The following BICD2 variants were observed in gnomAD, a reference collection of about 807,000 sequenced individuals.
The protein encoded by BICD2 is BICD cargo adaptor 2.
A neutral mutation model predicts 72.9 loss-of-function variants in BICD2; 25 were observed. That is an observed-to-expected ratio of 0.34 (90% CI 0.25 to 0.48). BICD2 has a LOEUF of 0.48. Ranked by LOEUF, BICD2 falls within the 20% of genes least tolerant of loss-of-function variation. The probability of loss-of-function intolerance (pLI) is 0.99; values close to 1 mark genes in which losing one functional copy is unlikely to be tolerated. For missense variants in BICD2, 894 were observed against 1,175.2 expected, an observed-to-expected ratio of 0.76 and a Z score of 3.50; for synonymous variants, 501 against 516.1, an observed-to-expected ratio of 0.97 and a Z score of 0.40.
At position 92,723,755 on chromosome 9, in the gene BICD2, G is replaced by A. The variant is rs148465016; in HGVS notation, c.454-947C>T. Reference sequence around the variant, plus strand: ...GTTCAGGCTCTAAGTTGCCCATAAGGAGCCAAGAGATGTCATGGGAGAGGC... The same window carrying A: ...GTTCAGGCTCTAAGTTGCCCATAAGAAGCCAAGAGATGTCATGGGAGAGGC... On this transcript the variant is annotated intron_variant, in intron 2 of 6. Coordinates refer to ENST00000356884, the MANE Select transcript of BICD2 (RefSeq NM_001003800.2). Among the ~76,000 whole-genome samples, 257 of 152,316 alleles carry A rather than the reference G, an allele frequency of 1.7e-3. 3 individuals carry two copies. Among genetic ancestry groups the A allele is most frequent in the Middle Eastern group, 3.4e-3 (1 of 294 alleles).
intron 1 of BICD2, among the ~76,000 whole-genome samples, chr9:92,732,728 A>T (rs763116356): frequency 3.9e-4 from 60 of 152,240 alleles, no homozygotes; most frequent in Non-Finnish European, 1.3e-4. Flanking sequence ...TCACAAATAG[A>T]GGTGAAATAC....
intron 1 of BICD2, among the ~76,000 whole-genome samples, chr9:92,731,595 G>T (rs970364633): frequency 3.9e-5 from 6 of 152,126 alleles, no homozygotes; most frequent in Non-Finnish European, 8.8e-5. Context: ...AGTTCCAGGA[G>T]CCCCCTCCAC....
Position 92,714,291 on chromosome 9 carries a change from A to G in BICD2, c.*863T>C, listed in dbSNP as rs866126410. ...CCATGTCTTTGGGACTGAACCCCCT[A>G]TGGAAGGCCGGATAATTGGCTGCTG... On this transcript the variant is annotated 3_prime_UTR_variant, in exon 7 of 7. Transcript: ENST00000356884. The G allele has an allele frequency of 1.4e-5, 14 of 985,494 alleles. No individual in the cohort carries two copies. The highest frequency in any genetic ancestry group is 4.7e-5 in the South Asian group (1 of 21,290). The allele number at this position is 985,494 out of a possible 1,614,324, so 61.0% of individuals were successfully genotyped here. A position where few individuals can be genotyped will look rare whatever the true frequency, so the allele number is the denominator to read the frequency against.
chr9:92,718,182 C>T (rs1176642032), intron 5 of BICD2, among the ~76,000 whole-genome samples: 1 of 152,244 alleles, frequency 6.6e-6, no homozygotes, highest in African/African-American at 2.4e-5. Flanking sequence ...AACCTGCCAA[C>T]AGGACCTCCA....
chr9:92,734,722 G>C (rs757099934), intron 1 of BICD2, among the ~76,000 whole-genome samples: 2 of 152,112 alleles, frequency 1.3e-5, no homozygotes, highest in East Asian at 3.9e-4. Flanking sequence ...CCGTGGGCTT[G>C]TCCTTGCAGC....
chr9:92,763,208 G>A (rs1488016095), intron 1 of BICD2, among the ~76,000 whole-genome samples: 1 of 152,188 alleles, frequency 6.6e-6, no homozygotes, highest in African/African-American at 2.4e-5. Context: ...CATCTGCTTG[G>A]ATTCATTCTC....
At position 92,713,769 on chromosome 9, in the gene BICD2, G is replaced by A. The variant is rs1853242629; in HGVS notation, c.*1385C>T. 6 of 1,289,000 alleles carry A rather than the reference G, an allele frequency of 4.7e-6. No individual in the cohort carries two copies. The South Asian group carries it at 1.0e-4, about 22-fold the overall frequency. 79.8% of individuals were successfully genotyped at this position (1,289,000 alleles called of 1,614,324 possible). ...CTGGGCCCAGGATGAACACGCAGGG[G>A]ACATACATGGGCGTGTCCTGGAGTC... On this transcript the variant is annotated 3_prime_UTR_variant, in exon 7 of 7. Coordinates refer to ENST00000356884, the MANE Select transcript of BICD2 (RefSeq NM_001003800.2).
intron 1 of BICD2, among the ~76,000 whole-genome samples, chr9:92,763,828 C>T (rs142655392): frequency 6.6e-6 from 1 of 152,240 alleles, no homozygotes; most frequent in Non-Finnish European, 1.5e-5. Flanking sequence ...GGAAGTCATG[C>T]TAGCTGGTGG....
Position 92,719,465 on chromosome 9 carries a change from G to C in BICD2, c.1180C>G (p.Leu394Val). ...QEKVTRLTEN[L>V]SALRRLQASK... ...GCCTGCAGGCGCCGCAGGGCACTCA[G>C]ATTCTCTGTGAGGCGGGTCACCTTC... The change falls in exon 5 of 7, where the codon CTG becomes GTG. Residue 394 changes from leucine to valine, a missense_variant. By Grantham distance (32) the Leu-to-Val change is conservative (BLOSUM62 1). This residue lies in a region of BICD2 where 371 missense variants were observed against 439.1 expected (regional missense o/e 0.84). Transcript: ENST00000356884. The C allele has an allele frequency of 6.2e-7, 1 of 1,614,124 alleles. No individual in the cohort carries two copies.
At position 92,719,360 on chromosome 9, in the gene BICD2, T is replaced by G; in HGVS notation, c.1285A>C (p.Ile429Leu). 6.2e-7 allele frequency: 1 copy of G among 1,614,220 alleles called. No individual in the cohort carries two copies. Among genetic ancestry groups the G allele is most frequent in the Non-Finnish European group, 8.5e-7 (1 of 1,180,028 alleles). ...CAGGCCAAGATCTCAGGCCCGTTGA[T>G]GTCCACCTCGTAGTAGTCCCCATCC... ...HEDGDYYEVDINGPEILACKY... is the reference protein window; with the variant it reads ...HEDGDYYEVDLNGPEILACKY... The change falls in exon 5 of 7, where the codon ATC (isoleucine) becomes CTC (leucine). Residue 429 changes from isoleucine to leucine, a missense_variant. Physicochemically the swap from Ile to Leu is conservative, Grantham distance 5. Coordinates refer to ENST00000356884, the MANE Select transcript of BICD2 (RefSeq NM_001003800.2).
intron 3 of BICD2, among the ~76,000 whole-genome samples, chr9:92,722,123 A>G (rs1252333242): frequency 1.3e-5 from 2 of 152,236 alleles, no homozygotes. Context: ...AGCAGAGCAC[A>G]TGACAATTTA....
Position 92,713,868 on chromosome 9 carries a change from C to A in BICD2, c.*1286G>T. 1 of 1,023,696 alleles carries A rather than the reference C, an allele frequency of 9.8e-7. No homozygotes were observed. The highest frequency in any genetic ancestry group is 1.2e-6 in the Non-Finnish European group (1 of 852,562). The allele number at this position is 1,023,696 out of a possible 1,614,324, so 63.4% of individuals were successfully genotyped here. ...CAGAGAGCTGTGGGAGGGGGCAACACGGTCTCTCACCAGGTAACTCGAATG... is the reference window on the plus strand; with the variant it reads ...CAGAGAGCTGTGGGAGGGGGCAACAAGGTCTCTCACCAGGTAACTCGAATG... On this transcript the variant is annotated 3_prime_UTR_variant, in exon 7 of 7. Transcript: ENST00000356884.
chr9:92,745,813 G>C (rs72758519), intron 1 of BICD2, among the ~76,000 whole-genome samples: 6,051 of 152,296 alleles, frequency 0.04, 183 homozygotes, highest in South Asian at 0.11. Flanking sequence ...AAGAAAGAGA[G>C]GCTGATGATC....
At chr9:92,725,005 C>T (rs781420388) in intron 2 of BICD2, among the ~76,000 whole-genome samples, 2 of 152,198 alleles carry the variant, frequency 1.3e-5, no homozygotes, top group Non-Finnish European at 2.9e-5. Context: ...CTCTCCCAGG[C>T]CTGCCAGTCA....
intron 1 of BICD2, among the ~76,000 whole-genome samples, chr9:92,735,434 T>C (rs958864105): frequency 3.3e-5 from 5 of 151,226 alleles, no homozygotes; most frequent in Admixed American, 6.6e-5. Context: ...AAAAACCACA[T>C]GGGGTGGGAA....
chr9:92,713,362 G>T lies in BICD2; in HGVS notation c.*1792C>A. The stretch of plus-strand genomic sequence containing the variant: ...AAAAAGTTTCTAAGTGGGCTTTTAG[G>T]TTGCCCTTCCTTCCTCCTTGTGGGC... On this transcript the variant is annotated 3_prime_UTR_variant, in exon 7 of 7. Transcript: ENST00000356884. 1 of 1,384,132 alleles carries T rather than the reference G, an allele frequency of 7.2e-7. No homozygotes were observed. The highest frequency in any genetic ancestry group is 1.0e-6 in the Non-Finnish European group (1 of 998,704). 85.7% of individuals were successfully genotyped at this position (1,384,132 alleles called of 1,614,324 possible).
At chr9:92,752,663 G>A (rs1034265417) in intron 1 of BICD2, among the ~76,000 whole-genome samples, 1 of 152,090 alleles carries the variant, frequency 6.6e-6, no homozygotes, top group Non-Finnish European at 1.5e-5. Context: ...AGACTGAGGT[G>A]GAAAGATCAC....
At position 92,713,391 on chromosome 9, in the gene BICD2, G is replaced by A. The variant is rs757997843; in HGVS notation, c.*1763C>T. The A allele has an allele frequency of 3.9e-6, 6 of 1,530,330 alleles. No individual in the cohort carries two copies. The Admixed American group carries it at 5.6e-5, about 14-fold the overall frequency. The allele number at this position is 1,530,330 out of a possible 1,614,324, so 94.8% of individuals were successfully genotyped here. ...CCCTTCCTTCCTCCTTGTGGGCCACGAGAGGGAAGGGGAAGGGGCTGCAGT... is the reference window on the plus strand; with the variant it reads ...CCCTTCCTTCCTCCTTGTGGGCCACAAGAGGGAAGGGGAAGGGGCTGCAGT... On this transcript the variant is annotated 3_prime_UTR_variant, in exon 7 of 7. Transcript: ENST00000356884.
At chr9:92,750,145 C>G (rs1854117820) in intron 1 of BICD2, among the ~76,000 whole-genome samples, 1 of 152,250 alleles carries the variant, frequency 6.6e-6, no homozygotes, top group Non-Finnish European at 1.5e-5. Context: ...GTTCTTCCCA[C>G]CACAGGATGA....
Sources: allele counts gnomAD v4.1 joint callset (sites outside exome capture counted in the v4.1 genomes callset), GRCh38; gene constraint gnomAD v4.1.1; regional missense constraint gnomAD v4.1.1; transcripts MANE v1.5; gene names NCBI Gene and HGNC (gene_info 2026-07-23, HGNC 2026-07-21).